The following EFL1 variants were observed in gnomAD, a reference collection of about 807,000 sequenced individuals.
The protein encoded by EFL1 is elongation factor like GTPase 1.
A neutral mutation model predicts 126.7 loss-of-function variants in EFL1; 76 were observed. The observed-to-expected ratio is 0.60, with a 90% CI of 0.50 to 0.73. The LOEUF is 0.73. Ranked by LOEUF, EFL1 falls within the 30% of genes least tolerant of loss-of-function variation. EFL1 has a pLI of 0.00. For missense variants in EFL1, 1,128 were observed against 1,343.2 expected (o/e 0.84, Z 2.50); for synonymous variants, 410 against 448.4 (o/e 0.91, Z 1.08).
Position 82,259,128 on chromosome 15 carries a change from A to G in EFL1, c.119T>C (p.Ile40Thr), listed in dbSNP as rs769510292. Residue 40 changes from isoleucine (I) to threonine (T), a missense_variant, in exon 3 of 20, where the codon ATA becomes ACA. Ile to Thr is a moderately conservative substitution (Grantham distance 89). This residue lies in a region of EFL1 where 118 missense variants were observed against 188.1 expected (regional missense o/e 0.63). Coordinates refer to ENST00000268206, the MANE Select transcript of EFL1 (RefSeq NM_024580.6). ...HGKTTLADCL[I>T]SSNGIISSRL... Reference sequence around the variant, plus strand: ...GCTGGAGATGATTCCATTGCTAGATATAAGACAGTCAGCCAGAGTAGTTTT... The same window carrying G: ...GCTGGAGATGATTCCATTGCTAGATGTAAGACAGTCAGCCAGAGTAGTTTT... The G allele has an allele frequency of 1.2e-6, 2 of 1,614,122 alleles. No individual in the cohort carries two copies. The highest frequency in any genetic ancestry group is 1.1e-5 in the South Asian group (1 of 91,074).
At chr15:82,152,947 CA>C (rs1235938111) in intron 17 of EFL1, among the ~76,000 whole-genome samples, 1 of 152,116 alleles carries the variant, frequency 6.6e-6, no homozygotes, top group Non-Finnish European at 1.5e-5. Flanking sequence ...CAGCACTTTC[CA>C]AAAGAACTTT....
Position 82,151,480 on chromosome 15 carries a change from T to A in EFL1, c.2974A>T (p.Thr992Ser). The change falls in exon 18 of 20, where the codon ACT becomes TCT. Residue 992 changes from threonine to serine, a missense_variant. By Grantham distance (58) the Thr-to-Ser change is moderately conservative (BLOSUM62 1). Transcript: ENST00000268206. ...AAMYTCDIMATGDVLGRVYAV... is the reference protein window; with the variant it reads ...AAMYTCDIMASGDVLGRVYAV... ...TCTTCCTTACCGAGAACATCACCAG[T>A]GGCCATGATGTCACATGTGTACATA... The A allele has an allele frequency of 6.2e-7, 1 of 1,609,876 alleles. No individual in the cohort carries two copies. Among genetic ancestry groups the A allele is most frequent in the Non-Finnish European group, 8.5e-7 (1 of 1,178,374 alleles).
intron 18 of EFL1, 45 bp from the exon 19 acceptor site, chr15:82,138,887 C>T: frequency 6.4e-7 from 1 of 1,565,826 alleles, no homozygotes; most frequent in Non-Finnish European, 8.7e-7. Flanking sequence ...AATCATATGG[C>T]TTGAGCCACA....
In EFL1 at chr15:82,167,820, A is replaced by T. The variant is rs569702237; in HGVS notation, c.1751-3836T>A. On this transcript the variant is annotated intron_variant, in intron 15 of 19. Coordinates refer to ENST00000268206, the MANE Select transcript of EFL1 (RefSeq NM_024580.6). ...TTAATTCTAACATTATTAGAATTTT[A>T]AAAATTTGTGGGAAAAAACGTTAGA... Among the ~76,000 whole-genome samples, 27 of 152,332 alleles carry T rather than the reference A, an allele frequency of 1.8e-4. 1 individual carries two copies. The South Asian group carries it at 5.2e-3, about 29-fold the overall frequency.
chr15:82,154,896 G>C (rs1282268930), intron 17 of EFL1, among the ~76,000 whole-genome samples: 1 of 152,068 alleles, frequency 6.6e-6, no homozygotes, highest in African/African-American at 2.4e-5. Context: ...TGAGTATCTG[G>C]TATTACAGGC....
intron 18 of EFL1, among the ~76,000 whole-genome samples, chr15:82,148,050 C>T (rs1209953866): frequency 6.6e-6 from 1 of 151,902 alleles, no homozygotes; most frequent in African/African-American, 2.4e-5. Flanking sequence ...TAGATTTTGG[C>T]ATATTTGTAT....
At chr15:82,221,557 C>A (rs1595992057) in intron 12 of EFL1, among the ~76,000 whole-genome samples, 1 of 152,290 alleles carries the variant, frequency 6.6e-6, no homozygotes, top group East Asian at 1.9e-4. Flanking sequence ...ACTACTTCTG[C>A]CTTCCTTAGC....
At chr15:82,166,817 T>A (rs1402152851) in intron 15 of EFL1, among the ~76,000 whole-genome samples, 1 of 152,250 alleles carries the variant, frequency 6.6e-6, no homozygotes, top group East Asian at 1.9e-4. Flanking sequence ...CTTCTTGTCC[T>A]TCTTTTTTCT....
chr15:82,261,939 A>G (rs2075125718), intron 1 of EFL1, 142 bp from the exon 2 acceptor site: 2 of 599,548 alleles, frequency 3.3e-6, no homozygotes, highest in Non-Finnish European at 5.8e-6. Flanking sequence ...GATGAGATAG[A>G]CCACCAAGGC....
chr15:82,152,077 G>A lies in EFL1; in HGVS notation c.2377C>T (p.His793Tyr), dbSNP rs2141228808. 6.2e-7 allele frequency: 1 copy of A among 1,614,104 alleles called. No individual in the cohort carries two copies. Among genetic ancestry groups the A allele is most frequent in the South Asian group, 1.1e-5 (1 of 91,070 alleles). ...CAAATTTTCTCTTGGGTCTTCTGAT[G>A]AATCATGTGAGTATTTTCACCCTCA... The part of the protein sequence containing the change: ...LNEGENTHMI[H>Y]QKTQEKIWEF... Residue 793 changes from histidine (H) to tyrosine (Y), a missense_variant, in exon 18 of 20, where the codon CAT (histidine) becomes TAT (tyrosine). Around this residue, in one of 6 missense-constraint regions of EFL1, gnomAD observed 561 missense variants for 641.7 expected, o/e 0.87. Coordinates refer to ENST00000268206, the MANE Select transcript of EFL1 (RefSeq NM_024580.6).
chr15:82,142,741 C>T (rs981047499), intron 18 of EFL1, among the ~76,000 whole-genome samples: 19 of 152,210 alleles, frequency 1.2e-4, no homozygotes, highest in African/African-American at 4.3e-4. Flanking sequence ...GGCACAGCCT[C>T]TCCAAGCCAA....
chr15:82,146,145 T>C (rs184612015), intron 18 of EFL1, among the ~76,000 whole-genome samples: 43 of 152,244 alleles, frequency 2.8e-4, no homozygotes, highest in African/African-American at 1.0e-3. Context: ...CCAGATAAAA[T>C]GATTTTGAGA....
At chr15:82,249,468 C>T (rs1018397194) in intron 4 of EFL1, among the ~76,000 whole-genome samples, 2 of 151,884 alleles carry the variant, frequency 1.3e-5, no homozygotes, top group African/African-American at 4.8e-5. Flanking sequence ...TAAAAAATGG[C>T]TATACAGTAG....
intron 15 of EFL1, among the ~76,000 whole-genome samples, chr15:82,206,552 A>G (rs2074526964): frequency 6.6e-6 from 1 of 152,058 alleles, no homozygotes; most frequent in African/African-American, 2.4e-5. Context: ...GGGAATAAAG[A>G]AGATAATCAC....
chr15:82,257,598 G>T (rs1421016913), intron 3 of EFL1, among the ~76,000 whole-genome samples: 5 of 152,244 alleles, frequency 3.3e-5, no homozygotes, highest in South Asian at 4.1e-4. Flanking sequence ...TATTTTTAGA[G>T]CACCTTTAAG....
intron 17 of EFL1, 146 bp downstream of exon 17, chr15:82,157,567 T>A: frequency 1.0e-6 from 1 of 957,614 alleles, no homozygotes; most frequent in Non-Finnish European, 1.5e-6. Flanking sequence ...AAGTCTACAA[T>A]CGAATAACTG....
chr15:82,196,329 G>C (rs936291986), intron 15 of EFL1, among the ~76,000 whole-genome samples: 1 of 152,142 alleles, frequency 6.6e-6, no homozygotes, highest in African/African-American at 2.4e-5. Context: ...AGGAGACCCA[G>C]CCTCTCTGTG....
chr15:82,137,971 C>T (rs935667019), intron 19 of EFL1, among the ~76,000 whole-genome samples: 1 of 152,146 alleles, frequency 6.6e-6, no homozygotes, highest in African/African-American at 2.4e-5. Flanking sequence ...TCTTTTTTCT[C>T]TAACTTAACA....
At chr15:82,186,867 G>A (rs1035262119) in intron 15 of EFL1, among the ~76,000 whole-genome samples, 1 of 152,156 alleles carries the variant, frequency 6.6e-6, no homozygotes, top group Non-Finnish European at 1.5e-5. Context: ...CTAAATTGCA[G>A]GTCCCCTGGA....
Sources: gnomAD v4.1 joint callset for allele counts (sites outside exome capture counted in the v4.1 genomes callset) on GRCh38, gnomAD v4.1.1 for gene constraint, gnomAD v4.1.1 regional missense constraint, MANE v1.5 for transcripts, NCBI Gene and HGNC (gene_info 2026-07-23, HGNC 2026-07-21) for gene names.